ROR1: variants seen among roughly 807,000 people sequenced by gnomAD.
The protein encoded by ROR1 is ROR family WNT receptor 1.
A neutral mutation model predicts 78.8 loss-of-function variants in ROR1; 19 were observed. The ratio of observed to expected loss-of-function variants is 0.24; its 90% CI spans 0.17 to 0.35. The LOEUF (loss-of-function observed/expected upper bound fraction) is 0.35. ROR1 is among the 10% of genes least tolerant of loss of function. The pLI is 1.00. For missense variants in ROR1, 917 were observed against 1,177.8 expected, an observed-to-expected ratio of 0.78 and a Z score of 3.24; for synonymous variants, 386 against 433.6, an observed-to-expected ratio of 0.89 and a Z score of 1.36.
intron 1 of ROR1, among the ~76,000 whole-genome samples, chr1:63,986,333 G>T (rs1050817361): frequency 1.3e-5 from 2 of 152,132 alleles, no homozygotes; most frequent in Non-Finnish European, 2.9e-5. Context: ...CACTGAGATT[G>T]CAGTAGCATA....
intron 1 of ROR1, among the ~76,000 whole-genome samples, chr1:63,937,502 G>GT (rs571706158): frequency 1.2e-3 from 179 of 147,328 alleles, no homozygotes; most frequent in East Asian, 0.011. Flanking sequence ...CATTGAAGTT[G>GT]TTTTTTTTTT....
At chr1:64,067,385 G>A (rs1448615982) in intron 4 of ROR1, among the ~76,000 whole-genome samples, 4 of 145,682 alleles carry the variant, frequency 2.7e-5, no homozygotes, top group African/African-American at 7.7e-5. Flanking sequence ...GGCCTGTCGC[G>A]GTGGCTCACA....
At chr1:63,786,256 ATTTTTTTTTTTTTTT>A (rs34933492) in intron 1 of ROR1, among the ~76,000 whole-genome samples, 16,080 of 67,952 alleles carry the variant, frequency 0.24, 1,083 homozygotes, top group South Asian at 0.37. Context: ...CTACAACTTG[ATTTTTTTTTTTTTTT>A]TTTTTTTTTT....
chr1:63,945,508 A>T (rs180865497), intron 1 of ROR1, among the ~76,000 whole-genome samples: 1 of 152,110 alleles, frequency 6.6e-6, no homozygotes, highest in African/African-American at 2.4e-5. Flanking sequence ...GAGATGGCCT[A>T]TTTCTGGGGA....
At chr1:63,896,731 C>G (rs1282828239) in intron 1 of ROR1, among the ~76,000 whole-genome samples, 2 of 151,824 alleles carry the variant, frequency 1.3e-5, no homozygotes, top group South Asian at 4.2e-4. Context: ...AATGTAGACT[C>G]GTGTGTGAAC....
rs1204508785 is a variant in ROR1 at position 64,046,246 on chromosome 1, G to A, written c.164-3445G>A. ...GGCAGAACTGCTACTTGAGTCTAGTGTGAATTCCCTCTGGACTGGACACCT... is the reference window on the plus strand; with the variant it reads ...GGCAGAACTGCTACTTGAGTCTAGTATGAATTCCCTCTGGACTGGACACCT... On this transcript the variant is annotated intron_variant, in intron 2 of 8. Coordinates refer to ENST00000371079, the MANE Select transcript of ROR1 (RefSeq NM_005012.4). Among the ~76,000 whole-genome samples, 4 of 152,286 alleles carry A rather than the reference G, an allele frequency of 2.6e-5. No homozygotes were observed. The East Asian group carries it at 7.7e-4, about 29-fold the overall frequency.
At chr1:64,119,724 A>G (rs1407146761) in intron 4 of ROR1, among the ~76,000 whole-genome samples, 2 of 152,128 alleles carry the variant, frequency 1.3e-5, no homozygotes, top group Non-Finnish European at 2.9e-5. Context: ...ACATGTGTTA[A>G]AGGTGGAACC....
intron 7 of ROR1, among the ~76,000 whole-genome samples, chr1:64,154,267 C>T (rs1465655314): frequency 6.6e-6 from 1 of 152,352 alleles, no homozygotes; most frequent in Admixed American, 6.5e-5. Context: ...TCTCGCCTTC[C>T]AGGCATATGC....
At chr1:64,092,640 T>G (rs975895223) in intron 4 of ROR1, among the ~76,000 whole-genome samples, 1 of 152,198 alleles carries the variant, frequency 6.6e-6, no homozygotes, top group Admixed American at 6.5e-5. Context: ...ATCCCATTTT[T>G]AAGCTTTCTG....
intron 4 of ROR1, among the ~76,000 whole-genome samples, chr1:64,101,474 A>G (rs1261848657): frequency 6.6e-6 from 1 of 152,212 alleles, no homozygotes; most frequent in African/African-American, 2.4e-5. Context: ...AGGTAGAGAC[A>G]TAATGGTACA....
intron 1 of ROR1, among the ~76,000 whole-genome samples, chr1:63,960,032 A>G (rs1369898212): frequency 1.3e-5 from 2 of 152,124 alleles, no homozygotes. Context: ...GAGTCCCCCA[A>G]ATGCACTGCT....
At chr1:64,001,760 T>C (rs576997524) in intron 1 of ROR1, among the ~76,000 whole-genome samples, 1 of 152,268 alleles carries the variant, frequency 6.6e-6, no homozygotes, top group Non-Finnish European at 1.5e-5. Context: ...GAGCTCAGAT[T>C]TCGCTCTGGC....
intron 4 of ROR1, among the ~76,000 whole-genome samples, chr1:64,052,338 G>C (rs1356213648): frequency 6.6e-6 from 1 of 152,130 alleles, no homozygotes; most frequent in Non-Finnish European, 1.5e-5. Flanking sequence ...TTTCAAATGT[G>C]GCTGATAATC....
At chr1:63,938,524 T>A (rs938889512) in intron 1 of ROR1, among the ~76,000 whole-genome samples, 1 of 152,132 alleles carries the variant, frequency 6.6e-6, no homozygotes, top group Non-Finnish European at 1.5e-5. Flanking sequence ...GGCCTGAGTG[T>A]GCCCACTTGC....
intron 1 of ROR1, among the ~76,000 whole-genome samples, chr1:63,887,254 C>G (rs776028762): frequency 1.4e-4 from 21 of 151,976 alleles, no homozygotes; most frequent in Non-Finnish European, 2.4e-4. Context: ...ATAGGCCATG[C>G]TTGTTCACCC....
intron 1 of ROR1, among the ~76,000 whole-genome samples, chr1:63,829,953 C>A (rs1009896811): frequency 2.6e-5 from 4 of 151,964 alleles, no homozygotes; most frequent in African/African-American, 9.7e-5. Flanking sequence ...AATCCTTAAG[C>A]TCCATGAAAT....
chr1:63,845,703 G>A (rs1645076266), intron 1 of ROR1, among the ~76,000 whole-genome samples: 1 of 152,082 alleles, frequency 6.6e-6, no homozygotes, highest in South Asian at 2.1e-4. Context: ...CCATTATTGT[G>A]TTCTGATCTC....
At chr1:63,782,770 CT>C (rs1235625136) in intron 1 of ROR1, among the ~76,000 whole-genome samples, 1 of 152,116 alleles carries the variant, frequency 6.6e-6, no homozygotes, top group Admixed American at 6.6e-5. Context: ...CATAGGGTGC[CT>C]CTAGCACTGT....
chr1:64,153,601 A>G lies in ROR1; in HGVS notation c.1175-5380A>G, dbSNP rs79140542. Among the ~76,000 whole-genome samples the G allele has an allele frequency of 2.6e-5, 4 of 152,308 alleles. No individual in the cohort carries two copies. The South Asian group carries it at 6.2e-4, about 24-fold the overall frequency. On this transcript the variant is annotated intron_variant, in intron 7 of 8. Transcript: ENST00000371079. ...AAAGAAGGAAATCCTGTCACATGGT[A>G]CAGCATCATGAACCTAGAGGACATT...
Sources: gnomAD v4.1 joint callset for allele counts (sites outside exome capture counted in the v4.1 genomes callset) on GRCh38, gnomAD v4.1.1 for gene constraint, MANE v1.5 for transcripts, NCBI Gene and HGNC (gene_info 2026-07-23, HGNC 2026-07-21) for gene names.